The following C4BPA variants were observed in gnomAD, a reference collection of about 807,000 sequenced individuals.
C4BPA encodes the protein C4b-binding protein alpha chain.
A neutral mutation model predicts 63.7 loss-of-function variants in C4BPA; 31 were observed. That is an observed-to-expected ratio of 0.49 (90% CI 0.37 to 0.66). The LOEUF (loss-of-function observed/expected upper bound fraction) is 0.66, where lower values mean the gene tolerates loss of function less well. Ranked by LOEUF, C4BPA falls within the 30% of genes least tolerant of loss-of-function variation. C4BPA has a pLI of 0.00. For missense variants in C4BPA, 572 were observed against 723.3 expected, an observed-to-expected ratio of 0.79 and a Z score of 2.40; for synonymous variants, 259 against 254.7, an observed-to-expected ratio of 1.02 and a Z score of -0.16.
chr1:207,141,053 C>T, intron 9 of C4BPA, 53 bp from the exon 10 acceptor site: 1 of 1,425,184 alleles, frequency 7.0e-7, no homozygotes, highest in Non-Finnish European at 9.7e-7. Context: ...CAATGTGCTA[C>T]TTTATACACT....
At chr1:207,124,047 T>C (rs1231377293) in intron 5 of C4BPA, 40 bp downstream of exon 5, 4 of 1,527,332 alleles carry the variant, frequency 2.6e-6, no homozygotes, top group Non-Finnish European at 3.6e-6. Flanking sequence ...CAATTTAAAC[T>C]CTGTTAGGTA....
chr1:207,132,812 C>T (rs1338524427), intron 8 of C4BPA, among the ~76,000 whole-genome samples: 6 of 152,022 alleles, frequency 3.9e-5, no homozygotes, highest in African/African-American at 1.5e-4. Flanking sequence ...TGCTTGAGCC[C>T]ACGAGTTTGA....
rs957659790 is a variant in C4BPA, at chr1:207,141,341, C to T, written c.1444+65C>T. The T allele has an allele frequency of 7.1e-6, 9 of 1,274,680 alleles. No homozygotes were observed. The Admixed American group carries it at 8.6e-5, about 12-fold the overall frequency. The allele number at this position is 1,274,680 out of a possible 1,614,324, so 79.0% of individuals were successfully genotyped here. A position where few individuals can be genotyped will look rare whatever the true frequency, so the allele number is the denominator to read the frequency against. ...GGACGTGTCCTGAGAGCACTGAGAGCTAAGTTTCTTCCCTGTCAGAGGCAG... is the reference window on the plus strand; with the variant it reads ...GGACGTGTCCTGAGAGCACTGAGAGTTAAGTTTCTTCCCTGTCAGAGGCAG... On this transcript the variant is annotated intron_variant, in intron 10 of 11. Coordinates refer to ENST00000367070, the MANE Select transcript of C4BPA (RefSeq NM_000715.4).
chr1:207,121,927 T>G (rs1346362000), intron 4 of C4BPA, among the ~76,000 whole-genome samples: 1 of 152,152 alleles, frequency 6.6e-6, no homozygotes, highest in African/African-American at 2.4e-5. Flanking sequence ...ATGTGAAATA[T>G]TCATATGTGT....
intron 1 of C4BPA, among the ~76,000 whole-genome samples, chr1:207,108,114 A>C (rs1157198201): frequency 1.3e-5 from 2 of 152,216 alleles, no homozygotes; most frequent in Non-Finnish European, 2.9e-5. Context: ...AACCTTGGGA[A>C]TTTTAACTTA....
At chr1:207,110,490 A>G (rs1192007645) in intron 1 of C4BPA, among the ~76,000 whole-genome samples, 1 of 152,198 alleles carries the variant, frequency 6.6e-6, no homozygotes, top group African/African-American at 2.4e-5. Context: ...CATTGTTTCA[A>G]GAAACATTCA....
chr1:207,104,712 T>C (rs994857748), intron 1 of C4BPA, among the ~76,000 whole-genome samples: 1 of 152,260 alleles, frequency 6.6e-6, no homozygotes, highest in Non-Finnish European at 1.5e-5. Context: ...CTTGTTACTG[T>C]ATCTAAAAGA....
chr1:207,134,628 T>G lies in C4BPA; in HGVS notation c.1273+36T>G, dbSNP rs746509352. The G allele has an allele frequency of 5.5e-6, 8 of 1,454,598 alleles. No homozygotes were observed. The African/African-American group carries it at 1.1e-4, about 21-fold the overall frequency. 90.1% of individuals were successfully genotyped at this position (1,454,598 alleles called of 1,614,324 possible). ...ATAGAATTATCTTATTCTGGGAGTT[T>G]CTTCATATCAGTGTGATGGAGATTA... On this transcript the variant is annotated intron_variant, in intron 9 of 11. Transcript: ENST00000367070.
At chr1:207,105,278 C>T (rs1684534942) in intron 1 of C4BPA, among the ~76,000 whole-genome samples, 1 of 152,010 alleles carries the variant, frequency 6.6e-6, no homozygotes, top group Admixed American at 6.6e-5. Context: ...AGAGATTTGG[C>T]CAGGTACGGT....
At chr1:207,138,218 C>T (rs1011741082) in intron 9 of C4BPA, among the ~76,000 whole-genome samples, 1 of 152,230 alleles carries the variant, frequency 6.6e-6, no homozygotes, top group Admixed American at 6.5e-5. Context: ...AGAGGCACTC[C>T]TGCCATAGTG....
chr1:207,113,232 T>G (rs1470027710), intron 2 of C4BPA, 65 bp downstream of exon 2: 2 of 1,536,210 alleles, frequency 1.3e-6, no homozygotes, highest in African/African-American at 2.8e-5. Context: ...CATTCACTTT[T>G]AAGGCTAAAA....
chr1:207,119,427 G>T (rs192640109), intron 4 of C4BPA, among the ~76,000 whole-genome samples: 1 of 93,362 alleles, frequency 1.1e-5, no homozygotes, highest in Admixed American at 1.2e-4. Flanking sequence ...CATAATTACA[G>T]CTTAGCTAAG....
At position 207,123,916 on chromosome 1, in the gene C4BPA, A is replaced by G. The variant is rs772587638; in HGVS notation, c.429-6A>G. ...TCCATTAAAATCTTTGATCTATCTT[A>G]TTCAGATTTTTCTTAATTGGCTCAA... is the stretch of plus-strand genomic sequence containing the variant. On this transcript the variant is annotated splice_region_variant and splice_polypyrimidine_tract_variant and intron_variant, in intron 4 of 11. Coordinates refer to ENST00000367070, the MANE Select transcript of C4BPA (RefSeq NM_000715.4). The G allele has an allele frequency of 1.5e-5, 24 of 1,575,262 alleles. No homozygotes were observed. In the African/African-American group the frequency reaches 3.1e-4, roughly 20 times the overall value.
intron 7 of C4BPA, among the ~76,000 whole-genome samples, chr1:207,127,656 G>A (rs73079135): frequency 0.059 from 8,989 of 152,170 alleles, 587 homozygotes; most frequent in African/African-American, 0.16. Context: ...CTCCTGAAGA[G>A]GTATCCACCA....
At chr1:207,114,450 A>C (rs1247029067) in intron 3 of C4BPA, among the ~76,000 whole-genome samples, 165 bp downstream of exon 3, 1 of 143,396 alleles carries the variant, frequency 7.0e-6, no homozygotes, top group East Asian at 2.2e-4. Context: ...CAGAAAAATT[A>C]GGGGTAGTTA....
At chr1:207,135,220 C>T (rs1227679760) in intron 9 of C4BPA, among the ~76,000 whole-genome samples, 1 of 152,110 alleles carries the variant, frequency 6.6e-6, no homozygotes, top group African/African-American at 2.4e-5. Flanking sequence ...GGCCTGTAGT[C>T]CCAGCTACTC....
At chr1:207,110,194 G>A (rs1014532189) in intron 1 of C4BPA, among the ~76,000 whole-genome samples, 1 of 152,202 alleles carries the variant, frequency 6.6e-6, no homozygotes, top group Non-Finnish European at 1.5e-5. Flanking sequence ...TACTTGGTAT[G>A]TGGAGGCTTG....
chr1:207,111,622 A>G (rs79965342), intron 1 of C4BPA, among the ~76,000 whole-genome samples: 1 of 152,202 alleles, frequency 6.6e-6, no homozygotes, highest in Non-Finnish European at 1.5e-5. Context: ...TCAGTCCCAC[A>G]TTATGTAAGA....
intron 9 of C4BPA, among the ~76,000 whole-genome samples, chr1:207,135,959 C>A (rs1046818395): frequency 6.6e-6 from 1 of 152,148 alleles, no homozygotes; most frequent in African/African-American, 2.4e-5. Flanking sequence ...ACTCTATAAC[C>A]CTTAAGATGA....
Sources: allele counts gnomAD v4.1 joint callset (sites outside exome capture counted in the v4.1 genomes callset), GRCh38; gene constraint gnomAD v4.1.1; transcripts MANE v1.5; gene names NCBI Gene and HGNC (gene_info 2026-07-23, HGNC 2026-07-21).